The following TRPM3 variants were observed in gnomAD, a reference collection of about 807,000 sequenced individuals.
TRPM3 encodes the protein transient receptor potential cation channel subfamily M member 3.
Under a neutral mutation model 181.2 loss-of-function variants are expected in TRPM3, and 77 were observed. That is an observed-to-expected ratio of 0.42 (90% CI 0.35 to 0.51). TRPM3 has a LOEUF of 0.51. Ranked by LOEUF, TRPM3 falls within the 20% of genes least tolerant of loss-of-function variation. The probability of loss-of-function intolerance (pLI) is 0.01; values close to 1 mark genes in which losing one functional copy is unlikely to be tolerated. For synonymous variants in TRPM3, 745 were observed against 796.4 expected, an observed-to-expected ratio of 0.94 and a Z score of 1.09; for missense variants, 1,759 against 2,196.7, an observed-to-expected ratio of 0.80 and a Z score of 3.98.
chr9:71,060,707 T>A (rs1046575891), intron 1 of TRPM3, among the ~76,000 whole-genome samples: 2 of 152,110 alleles, frequency 1.3e-5, no homozygotes, highest in Admixed American at 1.3e-4. Flanking sequence ...CAAATCCATA[T>A]GGGACAGGGC....
At chr9:71,322,535 T>G (rs1030285942) in intron 1 of TRPM3, among the ~76,000 whole-genome samples, 1 of 152,092 alleles carries the variant, frequency 6.6e-6, no homozygotes, top group African/African-American at 2.4e-5. Context: ...ACCAGCATGC[T>G]CTGGGTGAGT....
At chr9:71,124,563 C>G (rs2073919189), upstream of TRPM3, among the ~76,000 whole-genome samples, 1 of 152,114 alleles carries the variant, frequency 6.6e-6, no homozygotes, top group South Asian at 2.1e-4. Flanking sequence ...ACAGAAAAGC[C>G]CACTTTCCAC....
intron 6 of TRPM3, among the ~76,000 whole-genome samples, chr9:70,810,920 C>T (rs2091903354): frequency 6.6e-6 from 1 of 152,108 alleles, no homozygotes; most frequent in Non-Finnish European, 1.5e-5. Flanking sequence ...TGCTTGGAAC[C>T]TAAATAAATG....
intron 1 of TRPM3, among the ~76,000 whole-genome samples, chr9:71,211,681 C>T (rs983163561): frequency 6.6e-6 from 1 of 152,068 alleles, no homozygotes; most frequent in Admixed American, 6.5e-5. Flanking sequence ...GAAGTATCGC[C>T]TTGATTTCTG....
chr9:71,055,053 C>G (rs115906629), intron 1 of TRPM3, among the ~76,000 whole-genome samples: 188 of 152,156 alleles, frequency 1.2e-3, no homozygotes, highest in African/African-American at 4.2e-3. Context: ...GATTCTGGTT[C>G]ATTGGAAACA....
At chr9:70,829,438 G>GA (rs1468826760) in intron 5 of TRPM3, among the ~76,000 whole-genome samples, 1 of 151,544 alleles carries the variant, frequency 6.6e-6, no homozygotes, top group Admixed American at 6.6e-5. Flanking sequence ...GTTCAACATT[G>GA]AAAAAAAATC....
upstream of TRPM3, among the ~76,000 whole-genome samples, chr9:71,122,254 G>T (rs1369269973): frequency 6.6e-6 from 1 of 152,230 alleles, no homozygotes; most frequent in Non-Finnish European, 1.5e-5. Flanking sequence ...CATTTTCTAA[G>T]GAGGCTGTAT....
chr9:70,609,908 A>T (rs1589273772), intron 19 of TRPM3, among the ~76,000 whole-genome samples: 1 of 108,606 alleles, frequency 9.2e-6, no homozygotes. Flanking sequence ...AGCTCATCTT[A>T]AAAAAAAAAA....
chr9:71,243,842 C>G (rs2081872850), intron 1 of TRPM3, among the ~76,000 whole-genome samples: 1 of 152,124 alleles, frequency 6.6e-6, no homozygotes, highest in Non-Finnish European at 1.5e-5. Flanking sequence ...AGCCAATGGG[C>G]TGTTATATAA....
At chr9:70,973,026 C>A (rs1416129239) in intron 1 of TRPM3, among the ~76,000 whole-genome samples, 3 of 152,068 alleles carry the variant, frequency 2.0e-5, no homozygotes, top group Non-Finnish European at 4.4e-5. Flanking sequence ...ATACTTTCAA[C>A]AATTATTAAT....
At chr9:70,855,871 G>A (rs1057194904) in intron 3 of TRPM3, among the ~76,000 whole-genome samples, 8 of 129,364 alleles carry the variant, frequency 6.2e-5, no homozygotes, top group African/African-American at 2.3e-4. Flanking sequence ...TGGTTTAATA[G>A]ATAAAAAAAT....
intron 11 of TRPM3, among the ~76,000 whole-genome samples, chr9:70,637,526 CTTTA>C (rs2057404775): frequency 1.3e-5 from 2 of 150,686 alleles, no homozygotes; most frequent in African/African-American, 4.9e-5. Flanking sequence ...CAATGCTTGT[CTTTA>C]TTTATTTATT....
intron 7 of TRPM3, among the ~76,000 whole-genome samples, chr9:70,782,603 T>C (rs1458697553): frequency 2.6e-5 from 4 of 152,146 alleles, no homozygotes; most frequent in Admixed American, 2.6e-4. Context: ...ACATATTCTC[T>C]TTTTAGGTTC....
Position 71,121,433 on chromosome 9 carries a change from G to GCCTGAGCC in TRPM3, c.-87_-80dup. ...CTTGGAAGACTAGTCAAGTAGCCTT[G>GCCTGAGCC]CCTGAGCCCCTGAACCTTCTTAAAA... On this transcript the variant is annotated 5_prime_UTR_variant, in exon 1 of 26. It introduces an in-frame stop codon into an upstream open reading frame of the 5' UTR. Transcript: ENST00000677713. 1 of 1,533,868 alleles carries GCCTGAGCC rather than the reference G, an allele frequency of 6.5e-7. No individual in the cohort carries two copies. The highest frequency in any genetic ancestry group is 8.7e-7 in the Non-Finnish European group (1 of 1,143,472).
Position 70,535,139 on chromosome 9 carries a change from C to A in TRPM3, c.*814G>T. The A allele has an allele frequency of 2.7e-5, 7 of 260,990 alleles. No individual in the cohort carries two copies. Among genetic ancestry groups the A allele is most frequent in the Non-Finnish European group, 2.8e-5 (4 of 140,728 alleles). 16.2% of individuals were successfully genotyped at this position (260,990 alleles called of 1,614,324 possible). A position where few individuals can be genotyped will look rare whatever the true frequency, so the allele number is the denominator to read the frequency against. On this transcript the variant is annotated 3_prime_UTR_variant, in exon 26 of 26. Transcript: ENST00000677713. ...TAAAAAATATAAAATTATTTAATTACATTCTCCTGAGCTTGCTCGACTAGA... is the reference window on the plus strand; with the variant it reads ...TAAAAAATATAAAATTATTTAATTAAATTCTCCTGAGCTTGCTCGACTAGA...
chr9:71,285,417 ACTGAGCAAACAGTATAGT>A (rs1435220801), intron 1 of TRPM3, among the ~76,000 whole-genome samples: 1 of 152,204 alleles, frequency 6.6e-6, no homozygotes, highest in East Asian at 1.9e-4. Context: ...GCAAGGAAAC[ACTGAGCAAACAGTATAGT>A]CCTCAGAGTT....
intron 1 of TRPM3, among the ~76,000 whole-genome samples, chr9:71,032,067 T>TTATATATATATAATTATATAATATTATA (rs1565024292): frequency 2.4e-4 from 14 of 57,376 alleles, no homozygotes; most frequent in Admixed American, 3.1e-4. Context: ...ATTATATATA[T>TTATATATATATAATTATATAATATTATA]TATATTATAT....
At chr9:70,588,937 A>G (rs898505133) in intron 22 of TRPM3, among the ~76,000 whole-genome samples, 1 of 152,244 alleles carries the variant, frequency 6.6e-6, no homozygotes. Context: ...ACTCACTAGC[A>G]CTAGACAGAA....
chr9:71,153,679 C>G (rs778383313), intron 1 of TRPM3, among the ~76,000 whole-genome samples: 1 of 152,084 alleles, frequency 6.6e-6, no homozygotes, highest in Non-Finnish European at 1.5e-5. Context: ...AATTTTGCAG[C>G]TGAGTCAAAG....
Sources: allele counts gnomAD v4.1 joint callset (sites outside exome capture counted in the v4.1 genomes callset), GRCh38; gene constraint gnomAD v4.1.1; transcripts MANE v1.5; gene names NCBI Gene and HGNC (gene_info 2026-07-23, HGNC 2026-07-21).